The following SMIM36 variants were observed in gnomAD, a reference collection of about 807,000 sequenced individuals.
The protein encoded by SMIM36 is small integral membrane protein 36.
intron 4 of SMIM36, among the ~76,000 whole-genome samples, chr17:55,466,045 A>C (rs1332758048): frequency 6.6e-6 from 1 of 152,042 alleles, no homozygotes; most frequent in Non-Finnish European, 1.5e-5. Context: ...TGGGAGGCCG[A>C]GGTGGGCGGA....
At chr17:55,494,958 A>C (rs1189272863) in intron 1 of SMIM36, among the ~76,000 whole-genome samples, 1 of 152,222 alleles carries the variant, frequency 6.6e-6, no homozygotes, top group Admixed American at 6.5e-5. Context: ...ATTACCTCTC[A>C]GGGTTACAGT....
intron 3 of SMIM36, among the ~76,000 whole-genome samples, chr17:55,469,883 G>A (rs1909311540): frequency 6.6e-6 from 1 of 152,108 alleles, no homozygotes; most frequent in Non-Finnish European, 1.5e-5. Flanking sequence ...TTGGAAGGAT[G>A]AGGCAGGAGA....
intron 1 of SMIM36, among the ~76,000 whole-genome samples, chr17:55,487,833 A>G (rs1909633603): frequency 6.6e-6 from 1 of 152,084 alleles, no homozygotes; most frequent in African/African-American, 2.4e-5. Context: ...CAAGGCTGAG[A>G]CCCCTTGCAG....
intron 4 of SMIM36, among the ~76,000 whole-genome samples, chr17:55,460,842 A>C (rs1909136661): frequency 6.6e-6 from 1 of 152,218 alleles, no homozygotes; most frequent in Non-Finnish European, 1.5e-5. Context: ...TGGGTGACAG[A>C]GTGAGACCCT....
chr17:55,515,788 G>A (rs1204055079), upstream of SMIM36, among the ~76,000 whole-genome samples: 1 of 152,226 alleles, frequency 6.6e-6, no homozygotes, highest in Non-Finnish European at 1.5e-5. Context: ...ACAACTGTGA[G>A]AGAATAAATT....
At chr17:55,495,180 T>TC (rs1909786775) in intron 1 of SMIM36, among the ~76,000 whole-genome samples, 1 of 152,222 alleles carries the variant, frequency 6.6e-6, no homozygotes, top group African/African-American at 2.4e-5. Context: ...TTACCGGACC[T>TC]CCACCTGTAT....
intron 1 of SMIM36, among the ~76,000 whole-genome samples, chr17:55,496,894 T>G (rs1467073285): frequency 6.6e-6 from 1 of 152,156 alleles, no homozygotes; most frequent in Non-Finnish European, 1.5e-5. Context: ...AACCTAAAGG[T>G]GTTTGCATGA....
intron 3 of SMIM36, among the ~76,000 whole-genome samples, chr17:55,478,204 A>G (rs1202754363): frequency 6.6e-6 from 1 of 151,730 alleles, no homozygotes; most frequent in Non-Finnish European, 1.5e-5. Flanking sequence ...CCCAAAAAAA[A>G]AGTACCTGTT....
chr17:55,501,903 C>G (rs1320982453), intron 1 of SMIM36, among the ~76,000 whole-genome samples: 2 of 135,854 alleles, frequency 1.5e-5, no homozygotes, highest in East Asian at 4.2e-4. Context: ...AAGGCATTGC[C>G]TCACCTGGGA....
chr17:55,512,152 T>C (rs1398148070), upstream of SMIM36, among the ~76,000 whole-genome samples: 1 of 152,200 alleles, frequency 6.6e-6, no homozygotes, highest in Non-Finnish European at 1.5e-5. Context: ...ACATTTAACC[T>C]ATGACCTGAA....
intron 3 of SMIM36, among the ~76,000 whole-genome samples, chr17:55,467,586 C>T (rs1354514885): frequency 3.3e-5 from 5 of 152,042 alleles, no homozygotes; most frequent in Middle Eastern, 3.2e-3. Context: ...TTAGTAGAGA[C>T]GGGGTTTCAC....
At chr17:55,477,418 C>A (rs1909443434) in intron 3 of SMIM36, among the ~76,000 whole-genome samples, 1 of 152,142 alleles carries the variant, frequency 6.6e-6, no homozygotes, top group South Asian at 2.1e-4. Flanking sequence ...CTTCTCCCTG[C>A]ATGCCTTAGA....
In SMIM36 at chr17:55,471,934, A is replaced by T. The variant is rs1191404342; in HGVS notation, c.*348-4606T>A. Among the ~76,000 whole-genome samples, 3 of 152,134 alleles carry T rather than the reference A, an allele frequency of 2.0e-5. No homozygotes were observed. In the South Asian group the frequency reaches 6.2e-4, roughly 32 times the overall value. ...AGGCTATGCTCCACTTACCCTCTAT[A>T]GTTCTCACAACCTTCAAGCATTAAT... On this transcript the variant is annotated intron_variant, in intron 3 of 4. Coordinates refer to ENST00000636752, the Ensembl canonical transcript of SMIM36.
At chr17:55,513,030 A>G (rs1910208611), upstream of SMIM36, among the ~76,000 whole-genome samples, 1 of 152,198 alleles carries the variant, frequency 6.6e-6, no homozygotes, top group Admixed American at 6.6e-5. Context: ...GTCCTGGACT[A>G]ACTTATGGAA....
intron 1 of SMIM36, among the ~76,000 whole-genome samples, chr17:55,500,162 C>A (rs990708174): frequency 8.6e-5 from 13 of 151,848 alleles, no homozygotes; most frequent in Admixed American, 1.3e-4. Context: ...GCTCTGTTAC[C>A]CAGGCTGGAG....
intron 1 of SMIM36, among the ~76,000 whole-genome samples, chr17:55,498,360 C>T (rs11651461): frequency 6.6e-6 from 1 of 152,146 alleles, no homozygotes. Flanking sequence ...TTCCAAATTT[C>T]TACAGCACGT....
chr17:55,465,817 G>A (rs1402176713), intron 4 of SMIM36, among the ~76,000 whole-genome samples: 1 of 152,128 alleles, frequency 6.6e-6, no homozygotes, highest in Non-Finnish European at 1.5e-5. Context: ...CCATCTAGCA[G>A]TAGAGCTCAG....
intron 1 of SMIM36, among the ~76,000 whole-genome samples, chr17:55,508,148 C>G (rs1311699600): frequency 6.6e-6 from 1 of 151,842 alleles, no homozygotes; most frequent in African/African-American, 2.4e-5. Flanking sequence ...AACAAACACA[C>G]AATGAAAAGA....
exon 1 of SMIM36, chr17:55,511,088 G>T: frequency 2.5e-6 from 1 of 398,540 alleles, no homozygotes; most frequent in South Asian, 1.3e-4. Context: ...AGTGGAGCAG[G>T]ATCCCCCAAA....
Sources: gnomAD v4.1 joint callset for allele counts (sites outside exome capture counted in the v4.1 genomes callset) on GRCh38, gnomAD v4.1.1 for gene constraint, MANE v1.5 for transcripts, NCBI Gene and HGNC (gene_info 2026-07-23, HGNC 2026-07-21) for gene names.